Variants in ANKS1B observed in about 807,000 individuals in gnomAD.
ANKS1B encodes the protein ankyrin repeat and sterile alpha motif domain-containing protein 1B.
A neutral mutation model predicts 148.3 loss-of-function variants in ANKS1B; 36 were observed. The observed-to-expected ratio is 0.24, with a 90% confidence interval of 0.19 to 0.32. The LOEUF (loss-of-function observed/expected upper bound fraction) is 0.32. ANKS1B is among the 10% of genes least tolerant of loss of function. The probability of loss-of-function intolerance (pLI) is 1.00; values close to 1 mark genes in which losing one functional copy is unlikely to be tolerated. For missense variants in ANKS1B, 1,157 were observed against 1,542.6 expected (o/e 0.75, Z 4.19); for synonymous variants, 542 against 560.8 (o/e 0.97, Z 0.47).
At chr12:99,805,993 G>A (rs574813474) in intron 4 of ANKS1B, among the ~76,000 whole-genome samples, 1 of 152,270 alleles carries the variant, frequency 6.6e-6, no homozygotes, top group African/African-American at 2.4e-5. Context: ...GGACAGTTGT[G>A]AGAATTGAAT....
intron 9 of ANKS1B, among the ~76,000 whole-genome samples, chr12:99,645,654 G>A (rs1485127541): frequency 1.3e-5 from 2 of 152,160 alleles, no homozygotes; most frequent in African/African-American, 2.4e-5. Flanking sequence ...ACAGAAAGCT[G>A]CTGCATTTTC....
chr12:99,089,720 G>C (rs1049172744), intron 15 of ANKS1B, among the ~76,000 whole-genome samples: 3 of 152,212 alleles, frequency 2.0e-5, no homozygotes, highest in Admixed American at 2.0e-4. Flanking sequence ...TAATTCTTCA[G>C]TCACCAAAAG....
intron 15 of ANKS1B, among the ~76,000 whole-genome samples, chr12:99,152,797 C>T (rs115045371): frequency 2.0e-5 from 3 of 152,142 alleles, no homozygotes; most frequent in African/African-American, 7.2e-5. Flanking sequence ...TTGAAATGTA[C>T]AGTAAACATA....
At chr12:99,092,135 TG>T (rs66490476) in intron 15 of ANKS1B, among the ~76,000 whole-genome samples, 80,404 of 151,968 alleles carry the variant, frequency 0.53, 23,139 homozygotes, top group East Asian at 0.74. Flanking sequence ...GGCAGGGACC[TG>T]GGGGGTTTCT....
intron 1 of ANKS1B, among the ~76,000 whole-genome samples, chr12:99,943,651 C>A (rs1603476437): frequency 6.6e-6 from 1 of 151,990 alleles, no homozygotes; most frequent in Non-Finnish European, 1.5e-5. Flanking sequence ...ATCATGAGAA[C>A]AGTATGGGAA....
chr12:99,241,223 C>T (rs1398639187), intron 14 of ANKS1B, among the ~76,000 whole-genome samples: 3 of 152,120 alleles, frequency 2.0e-5, no homozygotes. Context: ...GATATCACCA[C>T]CAATCCCACA....
intron 12 of ANKS1B, among the ~76,000 whole-genome samples, chr12:99,394,351 G>C (rs1186094450): frequency 6.6e-6 from 1 of 152,066 alleles, no homozygotes; most frequent in Non-Finnish European, 1.5e-5. Context: ...GTTAATAATA[G>C]AATTCATCAT....
intron 15 of ANKS1B, among the ~76,000 whole-genome samples, chr12:99,085,987 T>A (rs1213361010): frequency 6.6e-6 from 1 of 152,108 alleles, no homozygotes; most frequent in Non-Finnish European, 1.5e-5. Context: ...CGTAACAAAC[T>A]GCATGTGTAC....
chr12:99,066,352 G>T (rs929451523), intron 16 of ANKS1B, among the ~76,000 whole-genome samples: 3 of 152,050 alleles, frequency 2.0e-5, no homozygotes, highest in Admixed American at 6.6e-5. Context: ...TAAAGACGGT[G>T]GATTGGCTGT....
At chr12:99,558,114 C>T (rs1449967669) in intron 9 of ANKS1B, among the ~76,000 whole-genome samples, 1 of 152,194 alleles carries the variant, frequency 6.6e-6, no homozygotes, top group East Asian at 1.9e-4. Context: ...AGAGCAATGG[C>T]AGAGATCTGT....
chr12:98,931,438 A>T (rs1190675685), intron 17 of ANKS1B, among the ~76,000 whole-genome samples: 1 of 152,194 alleles, frequency 6.6e-6, no homozygotes, highest in Non-Finnish European at 1.5e-5. Context: ...AGGTAAATAC[A>T]ATAAGGCAAC....
At chr12:99,911,490 A>G (rs148863229) in intron 1 of ANKS1B, among the ~76,000 whole-genome samples, 4 of 152,324 alleles carry the variant, frequency 2.6e-5, no homozygotes, top group African/African-American at 9.6e-5. Flanking sequence ...GCCAGAAGAA[A>G]TGCTTTCTTT....
chr12:99,246,348 T>A lies in ANKS1B; in HGVS notation c.2273A>T (p.Glu758Val). 6.2e-7 allele frequency: 1 copy of A among 1,613,578 alleles called. No homozygotes were observed. Among genetic ancestry groups the A allele is most frequent in the Non-Finnish European group, 8.5e-7 (1 of 1,179,710 alleles). ...AGAACTGTGTTCAGCAGTGGAAGAT[T>A]CACTCCAGTTAACTCTTGATGTTTT... is the stretch of plus-strand genomic sequence containing the variant. ...NEKTSRVNWS[E>V]SSTAEHSSKG... is the part of the protein sequence containing the mutation. The change falls in exon 13 of 27, where the codon GAA (glutamate) becomes GTA (valine). Residue 758 changes from glutamate to valine, a missense_variant. Around this residue, in one of 6 missense-constraint regions of ANKS1B, gnomAD observed 661 missense variants for 642.1 expected, o/e 1.03. Transcript: ENST00000683438.
chr12:99,074,460 C>T (rs1262162671), intron 16 of ANKS1B, among the ~76,000 whole-genome samples: 1 of 152,128 alleles, frequency 6.6e-6, no homozygotes, highest in Non-Finnish European at 1.5e-5. Flanking sequence ...TGCGTGCTCT[C>T]ACGCCCAGCA....
intron 17 of ANKS1B, among the ~76,000 whole-genome samples, chr12:98,953,015 C>A (rs1258409701): frequency 7.2e-6 from 1 of 139,718 alleles, no homozygotes; most frequent in African/African-American, 3.1e-5. Context: ...CACATCTCTG[C>A]ACTCAGCTAT....
chr12:99,144,593 A>G (rs1325544068), intron 15 of ANKS1B, among the ~76,000 whole-genome samples: 1 of 152,052 alleles, frequency 6.6e-6, no homozygotes, highest in Non-Finnish European at 1.5e-5. Flanking sequence ...GAGAACTGTT[A>G]TGAGTTGAAT....
intron 1 of ANKS1B, among the ~76,000 whole-genome samples, chr12:99,942,720 A>C (rs2094951092): frequency 6.6e-6 from 1 of 152,080 alleles, no homozygotes; most frequent in Non-Finnish European, 1.5e-5. Context: ...CATAAACTCA[A>C]AACTGGAGAA....
At chr12:99,553,997 T>C (rs908191285) in intron 9 of ANKS1B, among the ~76,000 whole-genome samples, 1 of 152,152 alleles carries the variant, frequency 6.6e-6, no homozygotes, top group Non-Finnish European at 1.5e-5. Context: ...ACAATGTAAG[T>C]CTTCAGCTGC....
At chr12:99,434,256 C>A (rs903685304) in intron 11 of ANKS1B, among the ~76,000 whole-genome samples, 2 of 152,040 alleles carry the variant, frequency 1.3e-5, no homozygotes, top group African/African-American at 4.8e-5. Flanking sequence ...TTCTAGTCTG[C>A]CATTTAAGAT....
Sources: allele counts gnomAD v4.1 joint callset (sites outside exome capture counted in the v4.1 genomes callset), GRCh38; gene constraint gnomAD v4.1.1; regional missense constraint gnomAD v4.1.1; transcripts MANE v1.5; gene names NCBI Gene and HGNC (gene_info 2026-07-23, HGNC 2026-07-21).